The following DCLK1 variants were observed in gnomAD, a reference collection of about 807,000 sequenced individuals.
DCLK1 encodes serine/threonine-protein kinase DCLK1.
Under a neutral mutation model 86.2 loss-of-function variants are expected in DCLK1, and 16 were observed. That is an observed-to-expected ratio of 0.19 (90% CI 0.13 to 0.28). The LOEUF (loss-of-function observed/expected upper bound fraction) is 0.28. Ranked by LOEUF, DCLK1 falls within the 10% of genes least tolerant of loss-of-function variation. DCLK1 has a pLI of 1.00. For synonymous variants in DCLK1, 369 were observed against 370.5 expected, an observed-to-expected ratio of 1.00 and a Z score of 0.05; for missense variants, 590 against 940.2, an observed-to-expected ratio of 0.63 and a Z score of 4.87.
intron 3 of DCLK1, among the ~76,000 whole-genome samples, chr13:36,058,888 A>G (rs1443440457): frequency 6.6e-6 from 1 of 152,202 alleles, no homozygotes; most frequent in African/African-American, 2.4e-5. Context: ...GACATCCAAT[A>G]TCCCTTATTT....
At chr13:35,858,620 G>T (rs559416030) in intron 5 of DCLK1, among the ~76,000 whole-genome samples, 1 of 151,972 alleles carries the variant, frequency 6.6e-6, no homozygotes, top group African/African-American at 2.4e-5. Context: ...CTCTACCACC[G>T]GGACACTCGG....
At chr13:35,837,619 C>G (rs1428750567) in intron 7 of DCLK1, among the ~76,000 whole-genome samples, 2 of 152,114 alleles carry the variant, frequency 1.3e-5, no homozygotes, top group African/African-American at 2.4e-5. Context: ...CTGTTGGGTA[C>G]AAGTGTGACC....
intron 3 of DCLK1, among the ~76,000 whole-genome samples, chr13:35,951,722 G>A (rs1393918404): frequency 6.6e-6 from 1 of 152,010 alleles, no homozygotes; most frequent in Non-Finnish European, 1.5e-5. Flanking sequence ...CAGTAATTCA[G>A]CCGAGAGTGA....
At chr13:35,833,133 T>C (rs1294330208) in intron 8 of DCLK1, among the ~76,000 whole-genome samples, 1 of 152,058 alleles carries the variant, frequency 6.6e-6, no homozygotes, top group Non-Finnish European at 1.5e-5. Flanking sequence ...TAGGTGCCGG[T>C]GGGAGAGACA....
At chr13:36,060,585 A>G (rs1327449187) in intron 3 of DCLK1, among the ~76,000 whole-genome samples, 2 of 152,194 alleles carry the variant, frequency 1.3e-5, no homozygotes, top group Non-Finnish European at 2.9e-5. Flanking sequence ...GTTGACTGGC[A>G]GAGATTTTTA....
chr13:35,860,176 C>T (rs895275008), intron 5 of DCLK1, among the ~76,000 whole-genome samples: 6 of 152,100 alleles, frequency 3.9e-5, no homozygotes, highest in African/African-American at 1.2e-4. Context: ...GATTCAGGCA[C>T]GCTGCCAGGG....
At chr13:35,986,025 C>T (rs531112317) in intron 3 of DCLK1, among the ~76,000 whole-genome samples, 1 of 152,146 alleles carries the variant, frequency 6.6e-6, no homozygotes, top group Admixed American at 6.6e-5. Flanking sequence ...CGATGAAGGT[C>T]GGGCACGGTG....
intron 3 of DCLK1, among the ~76,000 whole-genome samples, chr13:35,976,290 A>G (rs1387403645): frequency 6.6e-6 from 1 of 152,068 alleles, no homozygotes; most frequent in Non-Finnish European, 1.5e-5. Context: ...CTACAGAGAG[A>G]GAGGTGACTT....
chr13:36,040,348 T>C (rs1450515002), intron 3 of DCLK1, among the ~76,000 whole-genome samples: 2 of 135,466 alleles, frequency 1.5e-5, no homozygotes, highest in African/African-American at 5.4e-5. Context: ...ACTCAGAGAT[T>C]TGCAGGGTAT....
intron 7 of DCLK1, among the ~76,000 whole-genome samples, chr13:35,837,319 T>G (rs1178343105): frequency 6.6e-6 from 1 of 152,216 alleles, no homozygotes; most frequent in Non-Finnish European, 1.5e-5. Context: ...CATTTGCTGC[T>G]GCTACTTTTG....
chr13:35,880,576 C>T (rs966539248), intron 4 of DCLK1, among the ~76,000 whole-genome samples: 1 of 152,158 alleles, frequency 6.6e-6, no homozygotes, highest in Non-Finnish European at 1.5e-5. Flanking sequence ...GCAGTATTGC[C>T]TCAAAAACAC....
chr13:36,069,838 T>C (rs957371639), intron 3 of DCLK1, among the ~76,000 whole-genome samples: 1 of 152,224 alleles, frequency 6.6e-6, no homozygotes, highest in Non-Finnish European at 1.5e-5. Context: ...AATCTAAACA[T>C]TTTAACTGTC....
At chr13:35,883,180 G>A (rs1873021459) in intron 4 of DCLK1, among the ~76,000 whole-genome samples, 1 of 152,208 alleles carries the variant, frequency 6.6e-6, no homozygotes, top group African/African-American at 2.4e-5. Context: ...AGCAAGGGCA[G>A]TTGTTGTAGT....
intron 3 of DCLK1, among the ~76,000 whole-genome samples, chr13:35,979,499 G>A (rs940211403): frequency 2.6e-5 from 4 of 152,220 alleles, no homozygotes; most frequent in Middle Eastern, 3.4e-3. Context: ...ATCCTTTCCC[G>A]TCAGATCCCA....
chr13:36,042,164 A>G (rs1267364154), intron 3 of DCLK1, among the ~76,000 whole-genome samples: 1 of 152,196 alleles, frequency 6.6e-6, no homozygotes, highest in Non-Finnish European at 1.5e-5. Context: ...AATATTTGGC[A>G]TCCTGTCCAG....
At chr13:35,805,487 T>A (rs1013827891) in intron 15 of DCLK1, 6 of 463,882 alleles carry the variant, frequency 1.3e-5, no homozygotes, top group Non-Finnish European at 2.3e-5. Flanking sequence ...TTGGTAGAGA[T>A]GGGGTTTTGC....
intron 3 of DCLK1, among the ~76,000 whole-genome samples, chr13:36,087,029 C>G (rs544575685): frequency 6.6e-6 from 1 of 152,208 alleles, no homozygotes; most frequent in East Asian, 1.9e-4. Context: ...GGTTCTAGAC[C>G]CTTGAGGAAT....
rs1005693198 is a variant in DCLK1, at chr13:35,770,478, G to C, written c.*4057C>G. 1 of 152,102 alleles carries C rather than the reference G, an allele frequency of 6.6e-6. No homozygotes were observed. Among genetic ancestry groups the C allele is most frequent in the Non-Finnish European group, 1.5e-5 (1 of 68,014 alleles). 9.4% of individuals were successfully genotyped at this position (152,102 alleles called of 1,614,324 possible). A position where few individuals can be genotyped will look rare whatever the true frequency, so the allele number is the denominator to read the frequency against. On this transcript the variant is annotated 3_prime_UTR_variant, in exon 17 of 17. Transcript: ENST00000360631. ...AAATCTTTATCCCCAAAAGAAGCAC[G>C]TATCTTACCCTCTAAACTGCATGCA...
intron 4 of DCLK1, among the ~76,000 whole-genome samples, chr13:35,873,438 G>T (rs1462395535): frequency 1.1e-4 from 17 of 151,764 alleles, no homozygotes; most frequent in Non-Finnish European, 2.2e-4. Flanking sequence ...AGGCTGGAGT[G>T]CAGTGGCGTG....
Sources: allele counts gnomAD v4.1 joint callset (sites outside exome capture counted in the v4.1 genomes callset), GRCh38; gene constraint gnomAD v4.1.1; transcripts MANE v1.5; gene names NCBI Gene and HGNC (gene_info 2026-07-23, HGNC 2026-07-21).